Variants in PDE6B observed in about 807,000 individuals in gnomAD.
PDE6B encodes the protein rod cGMP-specific 3',5'-cyclic phosphodiesterase subunit beta.
In PDE6B, 106 loss-of-function variants were observed where a neutral mutation model predicts 109.0. That is an observed-to-expected ratio of 0.97 (90% CI 0.83 to 1.14). The LOEUF (loss-of-function observed/expected upper bound fraction) is 1.14. PDE6B is among the 50% of genes most tolerant of loss of function. The pLI, the probability that PDE6B is intolerant of heterozygous loss-of-function variation, is 0.00. For synonymous variants in PDE6B, 490 were observed against 471.3 expected, an observed-to-expected ratio of 1.04 and a Z score of -0.51; for missense variants, 1,193 against 1,155.6, an observed-to-expected ratio of 1.03 and a Z score of -0.47.
rs1240778339 is a variant in PDE6B at position 625,912 on chromosome 4, A to G, written c.286A>G (p.Met96Val). The stretch of plus-strand genomic sequence containing the variant: ...GCAGGCCGACCGCTGCAGCCTCTTC[A>G]TGTACCGCCAGCGCAACGGCGTGGC... ...LLQADRCSLF[M>V]YRQRNGVAEL... The change falls in exon 1 of 22, where the codon ATG (methionine) becomes GTG (valine). Residue 96 changes from methionine to valine, a missense_variant. Transcript: ENST00000496514. The surrounding 1 kb of genome is among the most constrained non-coding windows in gnomAD (Gnocchi z 5.0). 9.4e-6 allele frequency: 15 copies of G among 1,602,424 alleles called. No homozygotes were observed. The highest frequency in any genetic ancestry group is 1.2e-5 in the Non-Finnish European group (14 of 1,175,202).
chr4:664,021 T>G, intron 16 of PDE6B, 93 bp from the exon 17 acceptor site: 2 of 1,157,242 alleles, frequency 1.7e-6, no homozygotes, highest in Non-Finnish European at 2.6e-6. Context: ...GGATGGGGCC[T>G]CGCTCGGGCT....
chr4:628,755 G>T (rs535281945), intron 1 of PDE6B, among the ~76,000 whole-genome samples: 3 of 152,184 alleles, frequency 2.0e-5, no homozygotes, highest in Non-Finnish European at 4.4e-5. Context: ...TCACACTCTC[G>T]GGCCTACAGG....
chr4:634,091 T>G (rs1376096639), intron 1 of PDE6B, among the ~76,000 whole-genome samples: 1 of 151,788 alleles, frequency 6.6e-6, no homozygotes, highest in Non-Finnish European at 1.5e-5. Context: ...CCTGGGAGTG[T>G]GTGCCTGGGA....
chr4:633,477 C>T lies in PDE6B; in HGVS notation c.469-1200C>T, dbSNP rs549614130. Among the ~76,000 whole-genome samples the T allele has an allele frequency of 6.6e-6, 1 of 152,154 alleles. No homozygotes were observed. Among genetic ancestry groups the T allele is most frequent in the African/African-American group, 2.4e-5 (1 of 41,430 alleles). ...CCAGCCCCCAGCAGGCTTCCTCTGA[C>T]CTCTCAACCTTGCTGCAGGGGAAGG... On this transcript the variant is annotated intron_variant, in intron 1 of 21. Coordinates refer to ENST00000496514, the MANE Select transcript of PDE6B (RefSeq NM_000283.4). The surrounding 1 kb of genome is among the most constrained non-coding windows in gnomAD (Gnocchi z 4.5).
chr4:667,881 T>C lies in PDE6B; in HGVS notation c.2378T>C (p.Ile793Thr). ...GAGTTCTCTCGTTTCCACGAAGAGA[T>C]CCTGCCCATGTTCGACCGACTGCAG... ...YKEFSRFHEE[I>T]LPMFDRLQNN... is the part of the protein sequence containing the mutation. Residue 793 changes from isoleucine to threonine, a missense_variant, in exon 21 of 22, where the codon ATC (isoleucine) becomes ACC (threonine). By Grantham distance (89) the Ile-to-Thr change is moderately conservative. Coordinates refer to ENST00000496514, the MANE Select transcript of PDE6B (RefSeq NM_000283.4). 1 of 1,613,494 alleles carries C rather than the reference T, an allele frequency of 6.2e-7. No homozygotes were observed. Among genetic ancestry groups the C allele is most frequent in the Non-Finnish European group, 8.5e-7 (1 of 1,179,726 alleles).
chr4:626,041 G>C lies in PDE6B; in HGVS notation c.415G>C (p.Val139Leu), dbSNP rs545001524. The change falls in exon 1 of 22, where the codon GTG becomes CTG. Residue 139 changes from valine (V) to leucine (L), a missense_variant. Physicochemically the swap from Val to Leu is conservative, Grantham distance 32. Transcript: ENST00000496514. The surrounding 1 kb of genome is among the most constrained non-coding windows in gnomAD (Gnocchi z 4.6). ...EIVFPLDIGV[V>L]GHVAQTKKMV... ...CGTCTTCCCACTGGACATCGGGGTC[G>C]TGGGCCACGTGGCTCAGACCAAAAA... 1.3e-6 allele frequency: 2 copies of C among 1,595,070 alleles called. No homozygotes were observed. Among genetic ancestry groups the C allele is most frequent in the Non-Finnish European group, 1.7e-6 (2 of 1,171,682 alleles).
rs1737656462 is a variant in PDE6B, at chr4:665,217, T to A, written c.2194-38T>A. On this transcript the variant is annotated intron_variant, in intron 18 of 21. Transcript: ENST00000496514. This position sits in a 1 kb window ranked among gnomAD's most constrained non-coding sequence, Gnocchi z 4.0. ...CGGGCCCGGGCCCTTCCGCGTGGGC[T>A]CAGAGCTCCACAGACAGCTGCCTTC... 1.3e-6 allele frequency: 2 copies of A among 1,524,358 alleles called. No homozygotes were observed. The highest frequency in any genetic ancestry group is 1.4e-5 in the African/African-American group (1 of 73,092). 94.4% of individuals were successfully genotyped at this position (1,524,358 alleles called of 1,614,324 possible).
rs751415675 is a variant in PDE6B, at chr4:662,599, A to T, written c.1813A>T (p.Asn605Tyr). ...LCHDIDHRGT[N>Y]NLYQMKSQNP... is the part of the protein sequence containing the mutation. Reference sequence around the variant, plus strand: ...CCATGACATCGACCACCGCGGCACCAACAACCTGTACCAGATGAAGTAGGC... The same window carrying T: ...CCATGACATCGACCACCGCGGCACCTACAACCTGTACCAGATGAAGTAGGC... The change falls in exon 14 of 22, where the codon AAC becomes TAC. Residue 605 changes from asparagine (N) to tyrosine (Y), a missense_variant. Physicochemically the swap from Asn to Tyr is moderately radical, Grantham distance 143 (BLOSUM62 -2). Coordinates refer to ENST00000496514, the MANE Select transcript of PDE6B (RefSeq NM_000283.4). This position sits in a 1 kb window ranked among gnomAD's most constrained non-coding sequence, Gnocchi z 4.3. 1 of 1,609,618 alleles carries T rather than the reference A, an allele frequency of 6.2e-7. No individual in the cohort carries two copies. The highest frequency in any genetic ancestry group is 8.5e-7 in the Non-Finnish European group (1 of 1,176,702).
chr4:627,034 G>T (rs566245342), intron 1 of PDE6B, among the ~76,000 whole-genome samples: 1 of 152,194 alleles, frequency 6.6e-6, no homozygotes, highest in Non-Finnish European at 1.5e-5. Flanking sequence ...GGCAGCCTCC[G>T]CTCTTGCTGG....
At chr4:653,367 T>G (rs1735764822) in intron 3 of PDE6B, 1 of 1,100,700 alleles carries the variant, frequency 9.1e-7, no homozygotes, top group African/African-American at 1.6e-5. Context: ...CAGGGGCCTG[T>G]GCAGCGGGAT....
In PDE6B at chr4:626,772, G is replaced by C. The variant is rs1734126398; in HGVS notation, c.468+678G>C. Among the ~76,000 whole-genome samples the C allele has an allele frequency of 1.3e-5, 2 of 152,190 alleles. No individual in the cohort carries two copies. The highest frequency in any genetic ancestry group is 4.8e-5 in the African/African-American group (2 of 41,450). ...GGCAGGGCCTGTTCATGCAAAGCCTGGGCTAGGGCAGACGCTTCCCGAGGA... is the reference window on the plus strand; with the variant it reads ...GGCAGGGCCTGTTCATGCAAAGCCTCGGCTAGGGCAGACGCTTCCCGAGGA... On this transcript the variant is annotated intron_variant, in intron 1 of 21. Transcript: ENST00000496514. The surrounding 1 kb of genome is among the most constrained non-coding windows in gnomAD (Gnocchi z 4.6).
Position 663,231 on chromosome 4 carries a change from G to A in PDE6B, c.1920+44G>A, listed in dbSNP as rs1486978634. 5 of 1,060,726 alleles carry A rather than the reference G, an allele frequency of 4.7e-6. No individual in the cohort carries two copies. Among genetic ancestry groups the A allele is most frequent in the Middle Eastern group, 2.0e-4 (1 of 5,012 alleles). 65.7% of individuals were successfully genotyped at this position (1,060,726 alleles called of 1,614,324 possible). ...GGTTTCTGCTGTGGGCGCTGGGGAC[G>A]CAGCGTCCGCAGGACGGCAGGGCCG... On this transcript the variant is annotated intron_variant, in intron 15 of 21. Transcript: ENST00000496514. This position sits in a 1 kb window ranked among gnomAD's most constrained non-coding sequence, Gnocchi z 4.0.
At chr4:664,996 G>A in intron 18 of PDE6B, 52 bp downstream of exon 18, 1 of 1,433,248 alleles carries the variant, frequency 7.0e-7, no homozygotes, top group South Asian at 1.1e-5. Context: ...CAGCACATGG[G>A]ACTGCCGGGC....
intron 1 of PDE6B, among the ~76,000 whole-genome samples, chr4:632,472 G>C (rs183555743): frequency 6.6e-6 from 1 of 151,594 alleles, no homozygotes; most frequent in African/African-American, 2.4e-5. Context: ...GTGGATCTGC[G>C]TGGCAGCATC....
Position 663,199 on chromosome 4 carries a change from C to T in PDE6B, c.1920+12C>T. On this transcript the variant is annotated intron_variant, in intron 15 of 21. Coordinates refer to ENST00000496514, the MANE Select transcript of PDE6B (RefSeq NM_000283.4). The surrounding 1 kb of genome is among the most constrained non-coding windows in gnomAD (Gnocchi z 4.0). ...TGCTCTCGGAGGAGGTTGGTATACT[C>T]ACCCTCGGTTTCTGCTGTGGGCGCT... is the stretch of plus-strand genomic sequence containing the variant. The T allele has an allele frequency of 6.7e-7, 1 of 1,491,956 alleles. No homozygotes were observed. Among genetic ancestry groups the T allele is most frequent in the Non-Finnish European group, 9.4e-7 (1 of 1,068,616 alleles). The allele number at this position is 1,491,956 out of a possible 1,614,324, so 92.4% of individuals were successfully genotyped here. A position where few individuals can be genotyped will look rare whatever the true frequency, so the allele number is the denominator to read the frequency against.
At chr4:659,496 T>C (rs1245567165) in intron 11 of PDE6B, among the ~76,000 whole-genome samples, 1 of 151,434 alleles carries the variant, frequency 6.6e-6, no homozygotes, top group Non-Finnish European at 1.5e-5. Context: ...TGTGCACAAG[T>C]GTGTACGTGT....
chr4:643,058 C>A (rs1308356151), intron 3 of PDE6B, among the ~76,000 whole-genome samples: 1 of 151,954 alleles, frequency 6.6e-6, no homozygotes, highest in Non-Finnish European at 1.5e-5. Flanking sequence ...ACCTATAATC[C>A]CAGCACTTTG....
intron 12 of PDE6B, 24 bp downstream of exon 12, chr4:660,637 A>C (rs1358429245): frequency 9.3e-6 from 15 of 1,611,380 alleles, no homozygotes; most frequent in Non-Finnish European, 1.2e-5. Context: ...CAGGGCGCAT[A>C]GTCAGGTCCC....
intron 11 of PDE6B, among the ~76,000 whole-genome samples, chr4:659,625 T>C (rs1736810425): frequency 6.7e-6 from 1 of 148,714 alleles, no homozygotes; most frequent in Non-Finnish European, 1.5e-5. Flanking sequence ...TGTATGAATG[T>C]GCACATGTGT....
Sources: allele counts gnomAD v4.1 joint callset (sites outside exome capture counted in the v4.1 genomes callset), GRCh38; gene constraint gnomAD v4.1.1; non-coding constraint Gnocchi (gnomAD v3.1); transcripts MANE v1.5; gene names NCBI Gene and HGNC (gene_info 2026-07-23, HGNC 2026-07-21).